Variants in SNTG1 observed in about 807,000 individuals in gnomAD.
The protein encoded by SNTG1 is syntrophin gamma 1.
SNTG1 carries 39 observed loss-of-function variants against 74.7 expected under a neutral mutation model. That is an observed-to-expected ratio of 0.52 (90% confidence interval 0.40 to 0.68). SNTG1 has a LOEUF of 0.68. Ranked by LOEUF, SNTG1 falls within the 30% of genes least tolerant of loss-of-function variation. SNTG1 has a pLI of 0.00. For missense variants in SNTG1, 685 were observed against 609.5 expected (o/e 1.12, Z -1.30); for synonymous variants, 254 against 217.1 (o/e 1.17, Z -1.49).
intron 8 of SNTG1, among the ~76,000 whole-genome samples, chr8:50,496,440 G>C (rs2093904993): frequency 6.6e-6 from 1 of 152,108 alleles, no homozygotes; most frequent in African/African-American, 2.4e-5. Flanking sequence ...TTAAAAGCAA[G>C]CTCAGCTATG....
chr8:50,512,003 C>T (rs1045346131), intron 9 of SNTG1, among the ~76,000 whole-genome samples: 21 of 151,924 alleles, frequency 1.4e-4, no homozygotes, highest in Non-Finnish European at 2.4e-4. Context: ...GCAGTTTCTT[C>T]CTAGCCTCGA....
chr8:50,489,566 A>G (rs1587799936), intron 8 of SNTG1, among the ~76,000 whole-genome samples: 1 of 152,204 alleles, frequency 6.6e-6, no homozygotes, highest in East Asian at 1.9e-4. Context: ...GGCTGCATAA[A>G]TGTCTTCTTT....
intron 18 of SNTG1, among the ~76,000 whole-genome samples, chr8:50,776,400 T>C (rs1047405977): frequency 6.8e-6 from 1 of 147,330 alleles, no homozygotes; most frequent in Non-Finnish European, 1.5e-5. Flanking sequence ...TTACATTTTA[T>C]AATATATAAT....
intron 4 of SNTG1, among the ~76,000 whole-genome samples, chr8:50,427,073 C>G (rs2093172579): frequency 6.6e-6 from 1 of 152,078 alleles, no homozygotes; most frequent in Non-Finnish European, 1.5e-5. Flanking sequence ...ATCATGGAGT[C>G]AATCCCCCAC....
intron 2 of SNTG1, among the ~76,000 whole-genome samples, chr8:50,339,165 TA>T (rs2091242837): frequency 6.6e-6 from 1 of 151,996 alleles, no homozygotes; most frequent in African/African-American, 2.4e-5. Flanking sequence ...AAAATTTCAT[TA>T]AAAAACACAC....
chr8:50,309,369 A>T (rs1389824812), intron 2 of SNTG1, among the ~76,000 whole-genome samples: 1 of 152,168 alleles, frequency 6.6e-6, no homozygotes, highest in Non-Finnish European at 1.5e-5. Flanking sequence ...ACAAAAAAAA[A>T]AAAATCACTG....
intron 12 of SNTG1, among the ~76,000 whole-genome samples, chr8:50,584,282 G>A (rs1257871067): frequency 6.7e-5 from 10 of 150,066 alleles, no homozygotes; most frequent in African/African-American, 2.5e-4. Flanking sequence ...TATATACCCA[G>A]TAATGGGATG....
intron 2 of SNTG1, among the ~76,000 whole-genome samples, chr8:50,354,106 C>A (rs1042655509): frequency 2.0e-5 from 3 of 152,186 alleles, no homozygotes; most frequent in Non-Finnish European, 4.4e-5. Flanking sequence ...CCTTCTTGTC[C>A]ATATCCAGAA....
chr8:50,596,296 T>A (rs953715644), intron 13 of SNTG1, among the ~76,000 whole-genome samples: 1 of 152,100 alleles, frequency 6.6e-6, no homozygotes, highest in Admixed American at 6.6e-5. Flanking sequence ...CAGAATTTTT[T>A]AAATTTGATG....
rs138555552 is a variant in SNTG1, at chr8:50,235,574, C to T, written c.-28+62939C>T. Among the ~76,000 whole-genome samples the T allele has an allele frequency of 2.2e-3, 336 of 152,188 alleles. 2 individuals carry two copies. Among genetic ancestry groups the T allele is most frequent in the African/African-American group, 7.5e-3 (313 of 41,524 alleles). On this transcript the variant is annotated intron_variant, in intron 2 of 18. Transcript: ENST00000642720. Reference sequence around the variant, plus strand: ...GTGAGTGAGTGGAAATCAATCAACACATTTTTGTTGGAAAAAATAAATATC... The same window carrying T: ...GTGAGTGAGTGGAAATCAATCAACATATTTTTGTTGGAAAAAATAAATATC...
In SNTG1 at chr8:50,305,357, A is replaced by G. The variant is rs143768035; in HGVS notation, c.-27-88855A>G. ...CTCGGGTGATAAAACAGTTTTTTTA[A>G]TGTTTGTTTTTAAAGTCTGGTATTT... On this transcript the variant is annotated intron_variant, in intron 2 of 18. Coordinates refer to ENST00000642720, the MANE Select transcript of SNTG1 (RefSeq NM_018967.5). 1.5e-4 allele frequency among the ~76,000 whole-genome samples: 23 copies of G among 151,870 alleles called. No individual in the cohort carries two copies. The East Asian group carries it at 4.3e-3, about 28-fold the overall frequency.
intron 2 of SNTG1, among the ~76,000 whole-genome samples, chr8:50,387,827 G>A (rs1717198159): frequency 6.6e-6 from 1 of 152,052 alleles, no homozygotes; most frequent in South Asian, 2.1e-4. Context: ...GGGTTGGTGG[G>A]GTTGGATCCT....
intron 18 of SNTG1, among the ~76,000 whole-genome samples, chr8:50,763,856 AACACACACACACACACACACACACACAC>A (rs59221694): frequency 3.9e-5 from 4 of 103,498 alleles, no homozygotes; most frequent in South Asian, 3.9e-4. Flanking sequence ...TTAATACAGA[AACACACACACACACACACACACACACAC>A]ACACACACAC....
chr8:50,333,241 G>A (rs1225179489), intron 2 of SNTG1, among the ~76,000 whole-genome samples: 1 of 152,192 alleles, frequency 6.6e-6, no homozygotes, highest in Non-Finnish European at 1.5e-5. Flanking sequence ...AAAATGGGAA[G>A]AGTGAAAGTG....
chr8:49,936,295 G>A (rs1808077263), intron 1 of SNTG1, among the ~76,000 whole-genome samples: 1 of 151,874 alleles, frequency 6.6e-6, no homozygotes, highest in African/African-American at 2.4e-5. Context: ...TTTTTTTAAT[G>A]TGGCTCCTCT....
intron 1 of SNTG1, among the ~76,000 whole-genome samples, chr8:50,062,146 C>T (rs1050461887): frequency 3.3e-5 from 5 of 152,090 alleles, no homozygotes; most frequent in African/African-American, 7.2e-5. Flanking sequence ...TGGGTTCAAG[C>T]GATTCTCCTG....
At chr8:50,626,078 G>A (rs1485198677) in intron 13 of SNTG1, among the ~76,000 whole-genome samples, 3 of 152,094 alleles carry the variant, frequency 2.0e-5, no homozygotes, top group African/African-American at 7.2e-5. Flanking sequence ...TGCCTGGTCT[G>A]CCAGCATATG....
intron 2 of SNTG1, among the ~76,000 whole-genome samples, chr8:50,288,504 C>A (rs1055945496): frequency 1.3e-5 from 2 of 152,204 alleles, no homozygotes; most frequent in African/African-American, 2.4e-5. Context: ...CAGAAATAGC[C>A]TTTGCTTGTC....
At chr8:50,186,301 C>A (rs2083382580) in intron 2 of SNTG1, among the ~76,000 whole-genome samples, 1 of 152,034 alleles carries the variant, frequency 6.6e-6, no homozygotes, top group Non-Finnish European at 1.5e-5. Context: ...AATAGTGCTG[C>A]AGTAAATATA....
Sources: allele counts gnomAD v4.1 joint callset (sites outside exome capture counted in the v4.1 genomes callset), GRCh38; gene constraint gnomAD v4.1.1; transcripts MANE v1.5; gene names NCBI Gene and HGNC (gene_info 2026-07-23, HGNC 2026-07-21).